VIRMA: variants seen among roughly 807,000 people sequenced by gnomAD.
The protein encoded by VIRMA is protein virilizer homolog.
In VIRMA, 65 loss-of-function variants were observed where a neutral mutation model predicts 182.4. That is an observed-to-expected ratio of 0.36 (90% CI 0.29 to 0.44). The LOEUF (loss-of-function observed/expected upper bound fraction) is 0.44, where lower values mean the gene tolerates loss of function less well. Ranked by LOEUF, VIRMA falls within the 20% of genes least tolerant of loss-of-function variation. VIRMA has a pLI of 1.00. For synonymous variants in VIRMA, 709 were observed against 743.1 expected (o/e 0.95, Z 0.75); for missense variants, 1,752 against 2,158.1 (o/e 0.81, Z 3.73).
At position 94,527,161 on chromosome 8, in the gene VIRMA, A is replaced by C. The variant is rs1260986139; in HGVS notation, c.1083T>G (p.Ile361Met). The C allele has an allele frequency of 1.1e-5, 17 of 1,614,088 alleles. No individual in the cohort carries two copies. Among genetic ancestry groups the C allele is most frequent in the Non-Finnish European group, 1.4e-5 (16 of 1,179,994 alleles). ...CTTGATCCTTCATTCTACTGATTTC[A>C]ATTTCAAAAGTAGTCTTGTATGGAC... is the stretch of plus-strand genomic sequence containing the variant. ...FSCPYKTTFE[I>M]EISRMKDQGP... Residue 361 changes from isoleucine to methionine, a missense_variant, in exon 8 of 24, where the codon ATT becomes ATG. Coordinates refer to ENST00000297591, the MANE Select transcript of VIRMA (RefSeq NM_015496.5).
chr8:94,495,557 T>TAAAAAAAAAA (rs11382498), intron 19 of VIRMA, among the ~76,000 whole-genome samples, 174 bp downstream of exon 19: 1 of 125,036 alleles, frequency 8.0e-6, no homozygotes, highest in Non-Finnish European at 1.7e-5. Flanking sequence ...TTGTATAAAT[T>TAAAAAAAAAA]AAAAAAAAAA....
At chr8:94,530,933 G>A in intron 6 of VIRMA, 30 bp downstream of exon 6, 1 of 1,589,746 alleles carries the variant, frequency 6.3e-7, no homozygotes, top group African/African-American at 1.4e-5. Flanking sequence ...TAACTAGGGG[G>A]GAAAACCTTA....
chr8:94,546,727 CT>C, intron 1 of VIRMA: 1 of 344,902 alleles, frequency 2.9e-6, no homozygotes, highest in Middle Eastern at 3.9e-4. Context: ...AACCTTCCCC[CT>C]CCGAGTCCCT....
At chr8:94,545,841 G>A (rs139936238) in intron 1 of VIRMA, among the ~76,000 whole-genome samples, 3,013 of 152,162 alleles carry the variant, frequency 0.02, 56 homozygotes, top group South Asian at 0.028. Flanking sequence ...GATCACTTGA[G>A]GGCAGGGTTC....
Position 94,496,201 on chromosome 8 carries a change from T to C in VIRMA, c.4383+127A>G, listed in dbSNP as rs1334031358. 3.8e-6 allele frequency: 3 copies of C among 791,398 alleles called. No individual in the cohort carries two copies. The African/African-American group carries it at 5.3e-5, about 14-fold the overall frequency. The allele number at this position is 791,398 out of a possible 1,614,324, so 49.0% of individuals were successfully genotyped here. A position where few individuals can be genotyped will look rare whatever the true frequency, so the allele number is the denominator to read the frequency against. On this transcript the variant is annotated intron_variant, in intron 18 of 23. Coordinates refer to ENST00000297591, the MANE Select transcript of VIRMA (RefSeq NM_015496.5). ...ACTTCAAATTATTAATTCAAAGAGT[T>C]ATTTGAAATGGTACAAACACCCAGC...
chr8:94,513,166 T>C (rs112710004), intron 11 of VIRMA, among the ~76,000 whole-genome samples: 6,072 of 152,178 alleles, frequency 0.04, 132 homozygotes, highest in Non-Finnish European at 0.05. Flanking sequence ...TGTGGAACCT[T>C]GTCTCTACTA....
At chr8:94,501,255 C>CAA (rs55726504) in intron 16 of VIRMA, among the ~76,000 whole-genome samples, 737 of 72,588 alleles carry the variant, frequency 0.01, 1 homozygote, top group African/African-American at 0.014. Flanking sequence ...GATTCCATCT[C>CAA]AAAAAAAAAA....
rs774485348 is a variant in VIRMA, at chr8:94,529,148, G to C, written c.802C>G (p.Arg268Gly). 2.3e-5 allele frequency: 33 copies of C among 1,429,408 alleles called. No homozygotes were observed. The highest frequency in any genetic ancestry group is 5.8e-5 in the South Asian group (5 of 86,954). 88.5% of individuals were successfully genotyped at this position (1,429,408 alleles called of 1,614,324 possible). ...EEEEDEDEDD[R>G]RTVDSIPEEE... ...TCAGGAATACTGTCTACTGTTCGTC[G>C]ATCATCCTCATCCTCATCCTCTTCT... The change falls in exon 7 of 24, where the codon CGA (arginine) becomes GGA (glycine). Residue 268 changes from arginine to glycine, a missense_variant. By Grantham distance (125) the Arg-to-Gly change is moderately radical (BLOSUM62 -2). Transcript: ENST00000297591.
chr8:94,513,320 G>A (rs1353935079), intron 11 of VIRMA, among the ~76,000 whole-genome samples: 1 of 150,584 alleles, frequency 6.6e-6, no homozygotes, highest in African/African-American at 2.4e-5. Flanking sequence ...CTGGGCGACA[G>A]AGCAAGACTC....
At chr8:94,503,116 T>C (rs891703700) in intron 16 of VIRMA, among the ~76,000 whole-genome samples, 5 of 151,644 alleles carry the variant, frequency 3.3e-5, no homozygotes, top group African/African-American at 1.2e-4. Flanking sequence ...AAAATCACCA[T>C]TACACCACCA....
At chr8:94,542,308 T>A (rs1323478219) in intron 2 of VIRMA, among the ~76,000 whole-genome samples, 2 of 152,218 alleles carry the variant, frequency 1.3e-5, no homozygotes. Context: ...AGAAGCCATG[T>A]CATGACACGA....
At chr8:94,540,250 T>C (rs757377242) in intron 2 of VIRMA, among the ~76,000 whole-genome samples, 62 of 152,284 alleles carry the variant, frequency 4.1e-4, no homozygotes, top group Middle Eastern at 3.4e-3. Flanking sequence ...AGTCATTCAT[T>C]AGACTATGTA....
At chr8:94,500,053 A>C (rs550957277) in intron 16 of VIRMA, among the ~76,000 whole-genome samples, 1 of 28,868 alleles carries the variant, frequency 3.5e-5, no homozygotes, top group Admixed American at 1.9e-4. Context: ...GCTTCATCTC[A>C]AAAAAAAAAA....
At chr8:94,524,146 T>C (rs530361596) in intron 8 of VIRMA, among the ~76,000 whole-genome samples, 164 of 150,748 alleles carry the variant, frequency 1.1e-3, no homozygotes, top group African/African-American at 3.4e-3. Flanking sequence ...ATTACACCCA[T>C]GCGCCACCAT....
chr8:94,530,095 T>C lies in VIRMA; in HGVS notation c.608-753A>G, dbSNP rs181647265. On this transcript the variant is annotated intron_variant, in intron 6 of 23. Coordinates refer to ENST00000297591, the MANE Select transcript of VIRMA (RefSeq NM_015496.5). ...TGAGCCACCACACCCAGCCCAATAC[T>C]AGTGATTTTTAACTGGTACTCTTTT... 4.3e-3 allele frequency among the ~76,000 whole-genome samples: 652 copies of C among 152,258 alleles called. 2 individuals are homozygous for C. The highest frequency in any genetic ancestry group is 0.015 in the African/African-American group (625 of 41,540).
At chr8:94,493,162 C>T (rs1393843130) in intron 20 of VIRMA, among the ~76,000 whole-genome samples, 2 of 152,148 alleles carry the variant, frequency 1.3e-5, no homozygotes, top group Non-Finnish European at 2.9e-5. Context: ...CTGAAAATAA[C>T]ATACTCTGCC....
At chr8:94,493,423 T>C (rs1813668551) in intron 20 of VIRMA, among the ~76,000 whole-genome samples, 1 of 152,206 alleles carries the variant, frequency 6.6e-6, no homozygotes, top group Non-Finnish European at 1.5e-5. Context: ...TTAACAAATA[T>C]TTTATACCTG....
At chr8:94,518,730 G>A (rs1046001593) in intron 9 of VIRMA, among the ~76,000 whole-genome samples, 1 of 152,140 alleles carries the variant, frequency 6.6e-6, no homozygotes, top group South Asian at 2.1e-4. Context: ...AAAACAGCAG[G>A]GGGTACTACA....
chr8:94,550,041 G>A (rs1815919199), intron 1 of VIRMA, among the ~76,000 whole-genome samples: 1 of 151,388 alleles, frequency 6.6e-6, no homozygotes, highest in African/African-American at 2.4e-5. Context: ...AAATTGCAGT[G>A]AGCTGTGATC....
Sources: gnomAD v4.1 joint callset for allele counts (sites outside exome capture counted in the v4.1 genomes callset) on GRCh38, gnomAD v4.1.1 for gene constraint, MANE v1.5 for transcripts, NCBI Gene and HGNC (gene_info 2026-07-23, HGNC 2026-07-21) for gene names.